ZNF219: variants seen among roughly 807,000 people sequenced by gnomAD.
ZNF219 encodes the protein zinc finger protein 219.
A neutral mutation model predicts 54.4 loss-of-function variants in ZNF219; 17 were observed. That is an observed-to-expected ratio of 0.31 (90% CI 0.21 to 0.47). The LOEUF (loss-of-function observed/expected upper bound fraction) is 0.47. Among genes scored for constraint, ZNF219 ranks in the 20% least tolerant of loss-of-function variants. The probability of loss-of-function intolerance (pLI) is 1.00; values close to 1 mark genes in which losing one functional copy is unlikely to be tolerated. For synonymous variants in ZNF219, 518 were observed against 476.4 expected, an observed-to-expected ratio of 1.09 and a Z score of -1.14; for missense variants, 1,014 against 1,062.3, an observed-to-expected ratio of 0.95 and a Z score of 0.63.
intron 2 of ZNF219, 37 bp downstream of exon 2, chr14:21,093,549 G>T (rs763888383): frequency 6.3e-7 from 1 of 1,597,908 alleles, no homozygotes; most frequent in East Asian, 2.2e-5. Context: ...GTATACAGTT[G>T]TAGGTACTTG....
Position 21,092,899 on chromosome 14 carries a change from C to T in ZNF219, c.398G>A (p.Arg133Gln). 1.9e-6 allele frequency: 3 copies of T among 1,546,678 alleles called. No homozygotes were observed. The highest frequency in any genetic ancestry group is 2.6e-6 in the Non-Finnish European group (3 of 1,147,604). Reference protein sequence around the residue: ...LEERALLREARLGRARSSGGM... With the variant: ...LEERALLREAQLGRARSSGGM... ...CCCTGAGCTTCGGGCTCTCCCCAGT[C>T]GGGCCTCGCGTAGTAGCGCGCGCTC... Residue 133 changes from arginine to glutamine, a missense_variant, in exon 3 of 5, where the codon CGA becomes CAA. This residue lies in a region of ZNF219 where 395 missense variants were observed against 415.1 expected (regional missense o/e 0.95). Transcript: ENST00000360947.
intron 1 of ZNF219, 44 bp downstream of exon 1, chr14:21,098,268 G>C (rs1207254761): frequency 1.4e-5 from 2 of 148,128 alleles, no homozygotes; most frequent in East Asian, 4.0e-4. Flanking sequence ...CGGGGGCCGG[G>C]TGGCGGACGG....
intron 2 of ZNF219, 51 bp from the exon 3 acceptor site, chr14:21,093,341 G>T (rs1285603161): frequency 6.6e-7 from 1 of 1,521,488 alleles, no homozygotes. Context: ...AGCTGTAAAG[G>T]AAGCAAGGGC....
At position 21,091,944 on chromosome 14, in the gene ZNF219, G is replaced by A. The variant is rs1888923737; in HGVS notation, c.1353C>T (p.Ser451=). ...ARGRSLGSLA[S]LHPRPGEGPG... is the part of the protein sequence containing the mutation. ...GTCCCTCACCCGGGCGCGGGTGCAG[G>A]GAAGCCAGAGAGCCCAGCGACCTGC... The change falls in exon 3 of 5, where the codon TCC becomes TCT. Residue 451 remains serine (S), a synonymous_variant. Coordinates refer to ENST00000360947, the MANE Select transcript of ZNF219 (RefSeq NM_016423.3). 3 of 1,602,734 alleles carry A rather than the reference G, an allele frequency of 1.9e-6. No individual in the cohort carries two copies. Among genetic ancestry groups the A allele is most frequent in the African/African-American group, 1.3e-5 (1 of 74,836 alleles).
At chr14:21,098,949 G>C (rs1307797297), upstream of ZNF219, 1 of 851,548 alleles carries the variant, frequency 1.2e-6, no homozygotes, top group Non-Finnish European at 1.6e-6. Context: ...CGATTATAGA[G>C]ATAGTTAATG....
In ZNF219 at chr14:21,090,301, G is replaced by C. The variant is rs1018991000; in HGVS notation, c.*235C>G. 5.7e-6 allele frequency: 4 copies of C among 705,758 alleles called. No individual in the cohort carries two copies. In the African/African-American group the frequency reaches 7.0e-5, roughly 12 times the overall value. 43.7% of individuals were successfully genotyped at this position (705,758 alleles called of 1,614,324 possible). On this transcript the variant is annotated 3_prime_UTR_variant, in exon 5 of 5. Coordinates refer to ENST00000360947, the MANE Select transcript of ZNF219 (RefSeq NM_016423.3). This position sits in a 1 kb window ranked among gnomAD's most constrained non-coding sequence, Gnocchi z 4.4. ...ACACAAACCTTCTCTGCCAGCCCAG[G>C]GACCCCGTTCTTTGACCCTCACCTC...
In ZNF219 at chr14:21,092,408, T is replaced by C; in HGVS notation, c.889A>G (p.Lys297Glu). 6.4e-7 allele frequency: 1 copy of C among 1,568,100 alleles called. No individual in the cohort carries two copies. The change falls in exon 3 of 5, where the codon AAG becomes GAG. Residue 297 changes from lysine to glutamate, a missense_variant. Transcript: ENST00000360947. ...WFLKGHMRKH[K>E]ASFDHACPVC... ...GGACACGCATGATCGAAGGAGGCCT[T>C]GTGCTTACGCATGTGGCCCTTGAGA...
Position 21,090,724 on chromosome 14 carries a change from T to C in ZNF219, c.1981A>G (p.Met661Val), listed in dbSNP as rs749022777. Reference sequence around the variant, plus strand: ...TGGTGCACTTGAAGGTGCAAGGCCATGAGCTCTGGGGCTCCAGTGGCGAAC... The same window carrying C: ...TGGTGCACTTGAAGGTGCAAGGCCACGAGCTCTGGGGCTCCAGTGGCGAAC... ...CPFATGAPEL[M>V]ALHLQVHHSR... Residue 661 changes from methionine (M) to valine (V), a missense_variant, in exon 5 of 5, where the codon ATG becomes GTG. Coordinates refer to ENST00000360947, the MANE Select transcript of ZNF219 (RefSeq NM_016423.3). This position sits in a 1 kb window ranked among gnomAD's most constrained non-coding sequence, Gnocchi z 4.4. 6.2e-7 allele frequency: 1 copy of C among 1,610,494 alleles called. No individual in the cohort carries two copies. Among genetic ancestry groups the C allele is most frequent in the East Asian group, 2.2e-5 (1 of 44,756 alleles).
chr14:21,098,812 A>G (rs1488801845), upstream of ZNF219: 3 of 1,287,870 alleles, frequency 2.3e-6, no homozygotes, highest in East Asian at 5.6e-5. Flanking sequence ...CGGACATACC[A>G]GGGAAGGAGT....
chr14:21,093,611 T>C lies in ZNF219; in HGVS notation c.-20A>G. 1 of 1,614,148 alleles carries C rather than the reference T, an allele frequency of 6.2e-7. No homozygotes were observed. The highest frequency in any genetic ancestry group is 2.2e-5 in the East Asian group (1 of 44,878). ...CTCCATGGACCCCCTTCACATTCTT[T>C]GGTTCTGGGAAGTGCAGGGAAGAGG... On this transcript the variant is annotated 5_prime_UTR_variant, in exon 2 of 5. Coordinates refer to ENST00000360947, the MANE Select transcript of ZNF219 (RefSeq NM_016423.3).
At position 21,091,514 on chromosome 14, in the gene ZNF219, G is replaced by C. The variant is rs771058241; in HGVS notation, c.1461C>G (p.Thr487=). 3 of 1,607,588 alleles carry C rather than the reference G, an allele frequency of 1.9e-6. No individual in the cohort carries two copies. Among genetic ancestry groups the C allele is most frequent in the South Asian group, 2.2e-5 (2 of 90,956 alleles). ...TGGCGCCCCGGCCCCCTTCAGGCCG[G>C]GTCCCTCCAACCAACAGCCCATTCT... ...QEENGLLVGG[T]RPEGGRGATG... The change falls in exon 4 of 5, where the codon ACC becomes ACG. Residue 487 remains threonine, a synonymous_variant. Transcript: ENST00000360947.
intron 1 of ZNF219, among the ~76,000 whole-genome samples, chr14:21,095,770 G>GA (rs146545009): frequency 4.0e-5 from 6 of 151,798 alleles, no homozygotes; most frequent in Admixed American, 2.6e-4. Flanking sequence ...GAAAACCATA[G>GA]AAAAAAACCC....
intron 1 of ZNF219, 200 bp from the exon 2 acceptor site, chr14:21,093,874 C>G: frequency 1.8e-6 from 1 of 561,728 alleles, no homozygotes; most frequent in East Asian, 3.1e-5. Flanking sequence ...CCCAGATAAT[C>G]CAGATTTCTT....
Position 21,094,726 on chromosome 14 carries a change from T to TGGGGGA in ZNF219, c.-83-1053_-83-1052insTCCCCC, listed in dbSNP as rs1555341861. On this transcript the variant is annotated intron_variant, in intron 1 of 4. Transcript: ENST00000360947. The stretch of plus-strand genomic sequence containing the variant: ...TCATTGAGAGGAAGAGGATAGGGGT[T>TGGGGGA]GGGGGGGGGGGCGGGTGCTGATCCT... Among the ~76,000 whole-genome samples, 2 of 5,892 alleles carry TGGGGGA rather than the reference T, an allele frequency of 3.4e-4. 1 individual carries two copies. The highest frequency in any genetic ancestry group is 6.8e-4 in the Non-Finnish European group (2 of 2,924). The allele number at this position is 5,892 out of a possible 152,430, so 3.9% of individuals were successfully genotyped here. A position where few individuals can be genotyped will look rare whatever the true frequency, so the allele number is the denominator to read the frequency against.
In ZNF219 at chr14:21,093,275, C is replaced by A; in HGVS notation, c.22G>T (p.Ala8Ser). 2.5e-6 allele frequency: 4 copies of A among 1,586,670 alleles called. No homozygotes were observed. The highest frequency in any genetic ancestry group is 3.4e-6 in the Non-Finnish European group (4 of 1,173,938). Residue 8 changes from alanine (A) to serine (S), a missense_variant, in exon 3 of 5, where the codon GCC (alanine) becomes TCC (serine). Coordinates refer to ENST00000360947, the MANE Select transcript of ZNF219 (RefSeq NM_016423.3). MEGSRPR[A>S]PSGHLAPSPP... ...GACGGCGCTAAGTGGCCGCTCGGGGCGCGGGGACGTGAGCCCTGTGGAGAA... is the reference window on the plus strand; with the variant it reads ...GACGGCGCTAAGTGGCCGCTCGGGGAGCGGGGACGTGAGCCCTGTGGAGAA...
At chr14:21,102,195 A>C, upstream of ZNF219, 1 of 1,479,650 alleles carries the variant, frequency 6.8e-7, no homozygotes, top group Non-Finnish European at 9.1e-7. Flanking sequence ...CCTAGGAAGT[A>C]AGTGGCTAAG....
chr14:21,090,499 G>T lies in ZNF219; in HGVS notation c.*37C>A. ...CCTCTAGCGCTCCCCCGCTCCGGCG[G>T]GGTAAGCTCACTAAGCTAATCGCCC... On this transcript the variant is annotated 3_prime_UTR_variant, in exon 5 of 5. Coordinates refer to ENST00000360947, the MANE Select transcript of ZNF219 (RefSeq NM_016423.3). This position sits in a 1 kb window ranked among gnomAD's most constrained non-coding sequence, Gnocchi z 4.4. The T allele has an allele frequency of 6.4e-7, 1 of 1,550,748 alleles. No homozygotes were observed.
rs1466319266 is a variant in ZNF219, at chr14:21,098,455, C to T, written c.-227G>A. On this transcript the variant is annotated 5_prime_UTR_variant, in exon 1 of 5. Coordinates refer to ENST00000360947, the MANE Select transcript of ZNF219 (RefSeq NM_016423.3). ...CCCCCCGCCCCCGGCCCGGCCCCCG[C>T]CCCCTCCCCGGTCCCCCGCCCCCGG... The T allele has an allele frequency of 3.3e-6, 3 of 916,606 alleles. No individual in the cohort carries two copies. Among genetic ancestry groups the T allele is most frequent in the African/African-American group, 3.6e-5 (2 of 54,864 alleles). The allele number at this position is 916,606 out of a possible 1,614,324, so 56.8% of individuals were successfully genotyped here. A position where few individuals can be genotyped will look rare whatever the true frequency, so the allele number is the denominator to read the frequency against.
At chr14:21,094,019 G>T (rs1889132065) in intron 1 of ZNF219, among the ~76,000 whole-genome samples, 1 of 152,156 alleles carries the variant, frequency 6.6e-6, no homozygotes, top group South Asian at 2.1e-4. Flanking sequence ...GAGCAAATGA[G>T]GTGGGCTTGC....
Sources: allele counts gnomAD v4.1 joint callset (sites outside exome capture counted in the v4.1 genomes callset), GRCh38; gene constraint gnomAD v4.1.1; regional missense constraint gnomAD v4.1.1; non-coding constraint Gnocchi (gnomAD v3.1); transcripts MANE v1.5; gene names NCBI Gene and HGNC (gene_info 2026-07-23, HGNC 2026-07-21).